Variants in SLC4A10 observed in about 807,000 individuals in gnomAD.
SLC4A10 encodes the protein sodium-driven chloride bicarbonate exchanger.
A neutral mutation model predicts 137.7 loss-of-function variants in SLC4A10; 42 were observed. The ratio of observed to expected loss-of-function variants is 0.30; its 90% CI spans 0.24 to 0.39. SLC4A10 has a LOEUF of 0.39. Among genes scored for constraint, SLC4A10 ranks in the 10% least tolerant of loss-of-function variants. The pLI is 1.00. For synonymous variants in SLC4A10, 474 were observed against 464.1 expected (o/e 1.02, Z -0.27); for missense variants, 925 against 1,355.0 (o/e 0.68, Z 4.98).
chr2:161,900,463 C>T (rs906599386), intron 11 of SLC4A10, among the ~76,000 whole-genome samples: 1 of 152,080 alleles, frequency 6.6e-6, no homozygotes, highest in African/African-American at 2.4e-5. Flanking sequence ...CCAACCTACC[C>T]ACATCCTGAT....
chr2:161,781,308 C>G (rs1451279117), intron 2 of SLC4A10, among the ~76,000 whole-genome samples: 1 of 151,998 alleles, frequency 6.6e-6, no homozygotes, highest in Non-Finnish European at 1.5e-5. Context: ...GTGTGCTTTA[C>G]TTGGTGAGTG....
intron 4 of SLC4A10, among the ~76,000 whole-genome samples, chr2:161,844,099 T>C (rs1308060333): frequency 4.6e-5 from 7 of 152,232 alleles, no homozygotes; most frequent in South Asian, 2.1e-4. Context: ...AGCTGTGCAG[T>C]TGTGGCGACA....
intron 15 of SLC4A10, among the ~76,000 whole-genome samples, chr2:161,914,668 A>G (rs1244408457): frequency 6.6e-6 from 1 of 151,408 alleles, no homozygotes; most frequent in Non-Finnish European, 1.5e-5. Context: ...TTTTTTTATT[A>G]TAAAAGCAGA....
At chr2:161,757,550 C>CA (rs1235899385) in intron 1 of SLC4A10, among the ~76,000 whole-genome samples, 1 of 152,086 alleles carries the variant, frequency 6.6e-6, no homozygotes, top group East Asian at 1.9e-4. Flanking sequence ...AAGTAAGTAA[C>CA]ATAATCCCAA....
intron 20 of SLC4A10, 62 bp from the exon 21 acceptor site, chr2:161,958,425 A>T: frequency 1.4e-6 from 2 of 1,422,048 alleles, no homozygotes. Context: ...TTCTTTGATA[A>T]ATGCAAAACC....
intron 15 of SLC4A10, among the ~76,000 whole-genome samples, chr2:161,906,330 T>A (rs1390065131): frequency 6.6e-6 from 1 of 152,240 alleles, no homozygotes; most frequent in East Asian, 1.9e-4. Context: ...TCTTAGTAGA[T>A]GTTTGAAAGT....
At chr2:161,777,357 T>A (rs1475262444) in intron 2 of SLC4A10, among the ~76,000 whole-genome samples, 1 of 151,938 alleles carries the variant, frequency 6.6e-6, no homozygotes, top group Non-Finnish European at 1.5e-5. Context: ...ATTTTTTAGT[T>A]TGATACAGTT....
chr2:161,748,436 T>TTGTGTGTGTGTGTGTG (rs144251917), intron 1 of SLC4A10, among the ~76,000 whole-genome samples: 34 of 142,516 alleles, frequency 2.4e-4, no homozygotes, highest in African/African-American at 8.2e-4. Context: ...CATTTTGAGT[T>TTGTGTGTGTGTGTGTG]TGTGTGTGTG....
intron 11 of SLC4A10, among the ~76,000 whole-genome samples, chr2:161,899,690 C>G (rs1029391436): frequency 6.6e-6 from 1 of 152,004 alleles, no homozygotes; most frequent in African/African-American, 2.4e-5. Flanking sequence ...CTTTCTGAGA[C>G]CTGTGAAAGC....
At chr2:161,686,846 G>C (rs1340621848) in intron 1 of SLC4A10, among the ~76,000 whole-genome samples, 4 of 151,664 alleles carry the variant, frequency 2.6e-5, no homozygotes, top group African/African-American at 4.8e-5. Flanking sequence ...GCTGCTGGTT[G>C]CCCATTTTTT....
chr2:161,735,045 T>C (rs973710361), intron 1 of SLC4A10, among the ~76,000 whole-genome samples: 8 of 151,974 alleles, frequency 5.3e-5, no homozygotes, highest in Non-Finnish European at 7.4e-5. Flanking sequence ...TTCTGAGGCC[T>C]CCCAAGCCAT....
chr2:161,872,838 C>A (rs189162234), intron 7 of SLC4A10, among the ~76,000 whole-genome samples: 1 of 152,050 alleles, frequency 6.6e-6, no homozygotes, highest in Non-Finnish European at 1.5e-5. Flanking sequence ...CTCAGCTTCC[C>A]GAGTAGCTGG....
intron 4 of SLC4A10, among the ~76,000 whole-genome samples, chr2:161,843,894 T>G (rs56190932): frequency 0.061 from 9,231 of 152,182 alleles, 366 homozygotes; most frequent in East Asian, 0.13. Context: ...AAGTAAAACT[T>G]AAGCAAAGTT....
At chr2:161,839,685 G>A in intron 3 of SLC4A10, 104 bp from the exon 4 acceptor site, 2 of 1,287,940 alleles carry the variant, frequency 1.6e-6, no homozygotes, top group Non-Finnish European at 2.2e-6. Flanking sequence ...GTGAGCTTGG[G>A]GTGGTGCGAG....
At chr2:161,690,195 A>G (rs930028366) in intron 1 of SLC4A10, among the ~76,000 whole-genome samples, 1 of 152,178 alleles carries the variant, frequency 6.6e-6, no homozygotes, top group African/African-American at 2.4e-5. Flanking sequence ...TATAAATAAA[A>G]GCTCAACATC....
chr2:161,935,730 A>T (rs1290960975), intron 15 of SLC4A10, among the ~76,000 whole-genome samples: 1 of 152,112 alleles, frequency 6.6e-6, no homozygotes, highest in Non-Finnish European at 1.5e-5. Flanking sequence ...TGTGCAAATA[A>T]GGATAATTTT....
At chr2:161,886,742 A>G (rs926291989) in intron 10 of SLC4A10, among the ~76,000 whole-genome samples, 2 of 152,070 alleles carry the variant, frequency 1.3e-5, no homozygotes, top group Non-Finnish European at 2.9e-5. Context: ...GAAGAAAAAA[A>G]TTGTTTGGTG....
chr2:161,956,058 G>A (rs1424217180), intron 19 of SLC4A10, among the ~76,000 whole-genome samples: 1 of 152,140 alleles, frequency 6.6e-6, no homozygotes, highest in African/African-American at 2.4e-5. Context: ...CATATTAATA[G>A]TTTTATTAAG....
rs10716126 is a variant in SLC4A10 at position 161,652,789 on chromosome 2, CTT to C, written c.48+28236_48+28237del. Among the ~76,000 whole-genome samples, 1,077 of 142,980 alleles carry C rather than the reference CTT, an allele frequency of 7.5e-3. 4 individuals are homozygous for C. The highest frequency in any genetic ancestry group is 0.014 in the African/African-American group (540 of 38,820). 93.8% of individuals were successfully genotyped at this position (142,980 alleles called of 152,430 possible). ...TGGCCCTTGAAAACCACCGTTTATT[CTT>C]TTTTTTTTTTTTGACCTAATTGACA... On this transcript the variant is annotated intron_variant, in intron 1 of 26. Coordinates refer to ENST00000446997, the MANE Select transcript of SLC4A10 (RefSeq NM_001178015.2).
Sources: gnomAD v4.1 joint callset for allele counts (sites outside exome capture counted in the v4.1 genomes callset) on GRCh38, gnomAD v4.1.1 for gene constraint, MANE v1.5 for transcripts, NCBI Gene and HGNC (gene_info 2026-07-23, HGNC 2026-07-21) for gene names.